CNTRL: variants seen among roughly 807,000 people sequenced by gnomAD.
CNTRL encodes centriolin.
CNTRL carries 233 observed loss-of-function variants against 303.7 expected under a neutral mutation model. The observed-to-expected ratio is 0.77, with a 90% CI of 0.69 to 0.86. The LOEUF (loss-of-function observed/expected upper bound fraction) is 0.86, where lower values mean the gene tolerates loss of function less well. Among genes scored for constraint, CNTRL ranks in the 40% least tolerant of loss-of-function variants. The probability of loss-of-function intolerance (pLI) is 0.00; values close to 1 mark genes in which losing one functional copy is unlikely to be tolerated. For synonymous variants in CNTRL, 900 were observed against 922.2 expected, an observed-to-expected ratio of 0.98 and a Z score of 0.44; for missense variants, 2,524 against 2,650.6, an observed-to-expected ratio of 0.95 and a Z score of 1.05.
chr9:121,115,315 A>C (rs1437038786), intron 11 of CNTRL, 115 bp downstream of exon 11: 2 of 536,892 alleles, frequency 3.7e-6, no homozygotes, highest in Admixed American at 7.8e-5. Flanking sequence ...TAATTATGGA[A>C]TGATAAATTT....
chr9:121,076,187 G>C (rs1206022814), intron 1 of CNTRL, among the ~76,000 whole-genome samples: 1 of 152,220 alleles, frequency 6.6e-6, no homozygotes, highest in Non-Finnish European at 1.5e-5. Context: ...AGACTGCTTG[G>C]TGCAGAGATC....
chr9:121,112,569 T>C lies in CNTRL; in HGVS notation c.1113T>C (p.Tyr371=), dbSNP rs2049794330. The change falls in exon 9 of 44, where the codon TAT becomes TAC. Residue 371 remains tyrosine (Y), a synonymous_variant. Coordinates refer to ENST00000373855, the MANE Select transcript of CNTRL (RefSeq NM_007018.6). ...CTAAATTTGAGCCACTAAATTATTA[T>C]CCATCAGAGGTGAGTTATTTTAATT... ...IDAKFEPLNY[Y]PSEYAEIDKA... 1 of 1,612,652 alleles carries C rather than the reference T, an allele frequency of 6.2e-7. No individual in the cohort carries two copies. The highest frequency in any genetic ancestry group is 8.5e-7 in the Non-Finnish European group (1 of 1,178,970).
Position 121,092,510 on chromosome 9 carries a change from A to ATC in CNTRL, c.348+2106_348+2107insCT. On this transcript the variant is annotated intron_variant, in intron 4 of 43. Transcript: ENST00000373855. ...TAATATATATCTATATATATAATAT[A>ATC]TATCTATATATATAATATATATCTA... Among the ~76,000 whole-genome samples, 2 of 57,672 alleles carry ATC rather than the reference A, an allele frequency of 3.5e-5. 1 individual carries two copies. The highest frequency in any genetic ancestry group is 7.0e-5 in the Non-Finnish European group (2 of 28,626). The allele number at this position is 57,672 out of a possible 152,430, so 37.8% of individuals were successfully genotyped here. A position where few individuals can be genotyped will look rare whatever the true frequency, so the allele number is the denominator to read the frequency against.
At chr9:121,143,297 G>T (rs1314896158) in intron 19 of CNTRL, among the ~76,000 whole-genome samples, 1 of 152,066 alleles carries the variant, frequency 6.6e-6, no homozygotes, top group Non-Finnish European at 1.5e-5. Flanking sequence ...TTCCTTCTCT[G>T]ATGCTAGACC....
chr9:121,176,775 C>T (rs1229618685), intron 43 of CNTRL, among the ~76,000 whole-genome samples: 1 of 152,144 alleles, frequency 6.6e-6, no homozygotes. Context: ...CTGAGCGTAA[C>T]ATTTTATTTC....
At chr9:121,088,671 G>T in intron 3 of CNTRL, 128 bp downstream of exon 3, 1 of 624,996 alleles carries the variant, frequency 1.6e-6, no homozygotes, top group Non-Finnish European at 2.8e-6. Context: ...TTTATTAACA[G>T]AAATTAAGGA....
intron 26 of CNTRL, among the ~76,000 whole-genome samples, chr9:121,154,231 A>G (rs1255380977): frequency 1.3e-5 from 2 of 152,230 alleles, no homozygotes; most frequent in Non-Finnish European, 2.9e-5. Context: ...GCCTTAAGAT[A>G]TTGAATTGTG....
chr9:121,104,314 G>A lies in CNTRL; in HGVS notation c.809-3488G>A, dbSNP rs949740808. 9.2e-5 allele frequency among the ~76,000 whole-genome samples: 14 copies of A among 152,138 alleles called. 1 individual carries two copies. Among genetic ancestry groups the A allele is most frequent in the African/African-American group, 3.4e-4 (14 of 41,426 alleles). On this transcript the variant is annotated intron_variant, in intron 7 of 43. Transcript: ENST00000373855. ...ACCGCATGTTCTCACTCATAGGTGG[G>A]AACTGAACAATGAGAACACTTGGAC...
At chr9:121,149,120 T>G (rs1160349503) in intron 24 of CNTRL, among the ~76,000 whole-genome samples, 1 of 152,322 alleles carries the variant, frequency 6.6e-6, no homozygotes, top group Non-Finnish European at 1.5e-5. Flanking sequence ...AAATGGAGCC[T>G]TCTTCCACCC....
At chr9:121,109,015 T>C (rs538508365) in intron 8 of CNTRL, among the ~76,000 whole-genome samples, 1 of 152,318 alleles carries the variant, frequency 6.6e-6, no homozygotes, top group South Asian at 2.1e-4. Context: ...AATGTTACTG[T>C]ATACAGTTAT....
chr9:121,147,686 G>A (rs2051960625), intron 23 of CNTRL, among the ~76,000 whole-genome samples: 1 of 152,182 alleles, frequency 6.6e-6, no homozygotes, highest in Admixed American at 6.5e-5. Flanking sequence ...GGGGCCTGGT[G>A]CTATCCTGCT....
Position 121,112,587 on chromosome 9 carries a change from T to C in CNTRL, c.1122+9T>C, listed in dbSNP as rs2049795386. On this transcript the variant is annotated intron_variant, in intron 9 of 43. Transcript: ENST00000373855. Reference sequence around the variant, plus strand: ...ATTATTATCCATCAGAGGTGAGTTATTTTAATTTTTTAGTAATCCAAAGTT... The same window carrying C: ...ATTATTATCCATCAGAGGTGAGTTACTTTAATTTTTTAGTAATCCAAAGTT... 9.9e-6 allele frequency: 16 copies of C among 1,611,594 alleles called. No individual in the cohort carries two copies. Among genetic ancestry groups the C allele is most frequent in the Non-Finnish European group, 1.4e-5 (16 of 1,178,468 alleles).
At chr9:121,087,438 C>T (rs564938244) in intron 2 of CNTRL, among the ~76,000 whole-genome samples, 1 of 152,198 alleles carries the variant, frequency 6.6e-6, no homozygotes, top group East Asian at 1.9e-4. Context: ...CATATGTAAT[C>T]CCAGCACTTT....
At chr9:121,090,655 A>G (rs1289883023) in intron 4 of CNTRL, among the ~76,000 whole-genome samples, 1 of 152,218 alleles carries the variant, frequency 6.6e-6, no homozygotes, top group African/African-American at 2.4e-5. Context: ...CAGGCCAGCT[A>G]TCTATTTTTG....
intron 3 of CNTRL, 26 bp from the exon 4 acceptor site, chr9:121,090,249 A>T: frequency 6.3e-7 from 1 of 1,576,388 alleles, no homozygotes; most frequent in African/African-American, 1.4e-5. Context: ...TCCTCTACTG[A>T]TGATGATCTG....
rs756649801 is a variant in CNTRL at position 121,162,157 on chromosome 9, G to A, written c.5309G>A (p.Arg1770Gln). The A allele has an allele frequency of 1.2e-6, 2 of 1,614,136 alleles. No individual in the cohort carries two copies. The highest frequency in any genetic ancestry group is 2.2e-5 in the East Asian group (1 of 44,872). ...LLERDKREIE[R>Q]MTAESRALQS... ...GAGAGGGATAAACGAGAAATAGAACGAATGACTGCTGAGTCCCGAGCTTTA... is the reference window on the plus strand; with the variant it reads ...GAGAGGGATAAACGAGAAATAGAACAAATGACTGCTGAGTCCCGAGCTTTA... The change falls in exon 34 of 44, where the codon CGA becomes CAA. Residue 1770 changes from arginine (R) to glutamine (Q), a missense_variant. Physicochemically the swap from Arg to Gln is conservative, Grantham distance 43. Transcript: ENST00000373855.
At chr9:121,146,679 T>G (rs1212636575) in intron 23 of CNTRL, among the ~76,000 whole-genome samples, 2 of 152,242 alleles carry the variant, frequency 1.3e-5, no homozygotes, top group Non-Finnish European at 2.9e-5. Flanking sequence ...GTAAAGCCCC[T>G]GCTCTCAAAG....
At chr9:121,123,861 T>C in intron 12 of CNTRL, 70 bp from the exon 13 acceptor site, 1 of 1,147,152 alleles carries the variant, frequency 8.7e-7, no homozygotes, top group Non-Finnish European at 1.2e-6. Context: ...TTAAAAATGT[T>C]GTTAAGGGTT....
intron 3 of CNTRL, among the ~76,000 whole-genome samples, chr9:121,089,826 T>C (rs897413866): frequency 2.0e-5 from 3 of 152,136 alleles, no homozygotes; most frequent in African/African-American, 7.2e-5. Context: ...CTTGAGCAAA[T>C]GATTTTTTTT....
Sources: allele counts gnomAD v4.1 joint callset (sites outside exome capture counted in the v4.1 genomes callset), GRCh38; gene constraint gnomAD v4.1.1; transcripts MANE v1.5; gene names NCBI Gene and HGNC (gene_info 2026-07-23, HGNC 2026-07-21).